Variants in CSMD1 observed in about 807,000 individuals in gnomAD.
CSMD1 encodes the protein CUB and Sushi multiple domains 1, also known as CUB and sushi domain-containing protein 1.
Under a neutral mutation model 417.5 loss-of-function variants are expected in CSMD1, and 213 were observed. The observed-to-expected ratio is 0.51, with a 90% CI of 0.46 to 0.57. The LOEUF (loss-of-function observed/expected upper bound fraction) is 0.57, where lower values mean the gene tolerates loss of function less well. Among genes scored for constraint, CSMD1 ranks in the 20% least tolerant of loss-of-function variants. The pLI, the probability that CSMD1 is intolerant of heterozygous loss-of-function variation, is 0.00. For synonymous variants in CSMD1, 2,862 were observed against 1,736.8 expected (o/e 1.65, Z -16.11); for missense variants, 6,923 against 4,529.7 (o/e 1.53, Z -15.17).
chr8:3,472,632 C>T (rs1217336294), intron 11 of CSMD1, among the ~76,000 whole-genome samples: 1 of 152,022 alleles, frequency 6.6e-6, no homozygotes, highest in African/African-American at 2.4e-5. Flanking sequence ...ACACATGGTG[C>T]CACATTTTTT....
intron 12 of CSMD1, among the ~76,000 whole-genome samples, chr8:3,417,889 G>T (rs1317033199): frequency 6.6e-6 from 1 of 152,130 alleles, no homozygotes; most frequent in East Asian, 1.9e-4. Context: ...CATGCTCCCG[G>T]CATTACTGAA....
intron 1 of CSMD1, among the ~76,000 whole-genome samples, chr8:4,823,801 G>A (rs1238916015): frequency 6.6e-6 from 1 of 151,996 alleles, no homozygotes; most frequent in East Asian, 1.9e-4. Flanking sequence ...ATGGAGTGGT[G>A]AGTAGGGGAG....
At chr8:4,435,701 C>G (rs1798110759) in intron 2 of CSMD1, among the ~76,000 whole-genome samples, 1 of 152,106 alleles carries the variant, frequency 6.6e-6, no homozygotes, top group African/African-American at 2.4e-5. Context: ...GTGGAGGTGC[C>G]TCTGTGTGGG....
chr8:3,146,169 G>A (rs1818832582), intron 40 of CSMD1, among the ~76,000 whole-genome samples: 1 of 152,188 alleles, frequency 6.6e-6, no homozygotes, highest in African/African-American at 2.4e-5. Context: ...CACTATTAGT[G>A]CAGTAGATTT....
intron 1 of CSMD1, among the ~76,000 whole-genome samples, chr8:4,943,851 A>T (rs964273566): frequency 2.0e-5 from 3 of 152,250 alleles, no homozygotes; most frequent in African/African-American, 7.2e-5. Context: ...CGAAGCCAAG[A>T]TAGAGCCATA....
intron 3 of CSMD1, among the ~76,000 whole-genome samples, chr8:4,325,417 C>G (rs982750734): frequency 2.0e-5 from 3 of 152,126 alleles, no homozygotes; most frequent in African/African-American, 4.8e-5. Context: ...AGAAGGAACT[C>G]TACAGAAGCC....
At chr8:3,454,534 C>T (rs1252315643) in intron 12 of CSMD1, among the ~76,000 whole-genome samples, 4 of 152,122 alleles carry the variant, frequency 2.6e-5, no homozygotes, top group South Asian at 2.1e-4. Flanking sequence ...TCAGCATTTG[C>T]TTGTCTGTAA....
chr8:4,072,086 C>A (rs1297710706), intron 3 of CSMD1, among the ~76,000 whole-genome samples: 1 of 152,154 alleles, frequency 6.6e-6, no homozygotes, highest in Non-Finnish European at 1.5e-5. Flanking sequence ...CATGCTTGAC[C>A]TGAAAATCAA....
chr8:3,637,454 G>A (rs2117292359), intron 7 of CSMD1, among the ~76,000 whole-genome samples: 1 of 152,156 alleles, frequency 6.6e-6, no homozygotes, highest in African/African-American at 2.4e-5. Flanking sequence ...CATTTGATAA[G>A]GTAATATGAC....
At chr8:4,691,571 G>A (rs1171326900) in intron 1 of CSMD1, among the ~76,000 whole-genome samples, 1 of 152,078 alleles carries the variant, frequency 6.6e-6, no homozygotes, top group Non-Finnish European at 1.5e-5. Flanking sequence ...ATGTTATCTT[G>A]GGAAATGGCC....
chr8:3,037,813 A>AAT (rs1467028111), intron 50 of CSMD1, among the ~76,000 whole-genome samples: 1 of 152,222 alleles, frequency 6.6e-6, no homozygotes, highest in Admixed American at 6.5e-5. Flanking sequence ...GAGAGTGACT[A>AAT]GCTTTTTAGA....
At chr8:4,268,784 C>T (rs1585128891) in intron 3 of CSMD1, among the ~76,000 whole-genome samples, 1 of 151,702 alleles carries the variant, frequency 6.6e-6, no homozygotes, top group East Asian at 1.9e-4. Flanking sequence ...TGAATAACAT[C>T]GACATCACAA....
At chr8:3,214,397 T>G in intron 30 of CSMD1, 100 bp downstream of exon 30, 1 of 998,202 alleles carries the variant, frequency 1.0e-6, no homozygotes. Flanking sequence ...TCACCACCGA[T>G]GAGAGGAATA....
chr8:4,437,423 G>T (rs1186185101), intron 2 of CSMD1, among the ~76,000 whole-genome samples: 2 of 152,106 alleles, frequency 1.3e-5, no homozygotes, highest in African/African-American at 4.8e-5. Context: ...ACATTTTCTA[G>T]TCATGATTAT....
At chr8:4,275,182 T>C (rs1459688514) in intron 3 of CSMD1, among the ~76,000 whole-genome samples, 1 of 152,190 alleles carries the variant, frequency 6.6e-6, no homozygotes, top group South Asian at 2.1e-4. Flanking sequence ...TGGGGTTTTT[T>C]CTTTCTAGTT....
At chr8:4,461,141 T>G (rs151323759) in intron 2 of CSMD1, among the ~76,000 whole-genome samples, 1 of 131,368 alleles carries the variant, frequency 7.6e-6, no homozygotes, top group South Asian at 2.9e-4. Flanking sequence ...AACAATAAAA[T>G]AAAGTCAGCT....
intron 3 of CSMD1, among the ~76,000 whole-genome samples, chr8:4,364,137 T>A (rs553687546): frequency 6.6e-6 from 1 of 152,326 alleles, no homozygotes; most frequent in East Asian, 1.9e-4. Flanking sequence ...CATGCCTGTA[T>A]CAAAATCTCT....
intron 3 of CSMD1, among the ~76,000 whole-genome samples, chr8:4,163,290 G>C (rs1418939983): frequency 6.6e-6 from 1 of 152,038 alleles, no homozygotes; most frequent in African/African-American, 2.4e-5. Flanking sequence ...AGTATGTTTA[G>C]TTTTCTAAGA....
chr8:4,506,163 T>C (rs532595380), intron 2 of CSMD1, among the ~76,000 whole-genome samples: 18 of 152,298 alleles, frequency 1.2e-4, no homozygotes, highest in African/African-American at 4.1e-4. Context: ...GCAAAAGTAA[T>C]TGCGGTTTTT....
Sources: gnomAD v4.1 joint callset for allele counts (sites outside exome capture counted in the v4.1 genomes callset) on GRCh38, gnomAD v4.1.1 for gene constraint, MANE v1.5 for transcripts, NCBI Gene and HGNC (gene_info 2026-07-23, HGNC 2026-07-21) for gene names.